The following RNF112 variants were observed in gnomAD, a reference collection of about 807,000 sequenced individuals.
RNF112 encodes the protein brain finger protein.
RNF112 carries 34 observed loss-of-function variants against 64.7 expected under a neutral mutation model. That is an observed-to-expected ratio of 0.53 (90% confidence interval 0.40 to 0.70). The LOEUF is 0.70. Among genes scored for constraint, RNF112 ranks in the 30% least tolerant of loss-of-function variants. The pLI, the probability that RNF112 is intolerant of heterozygous loss-of-function variation, is 0.00. For synonymous variants in RNF112, 345 were observed against 344.5 expected, an observed-to-expected ratio of 1.00 and a Z score of -0.02; for missense variants, 734 against 850.0, an observed-to-expected ratio of 0.86 and a Z score of 1.70.
At position 19,414,714 on chromosome 17, in the gene RNF112, G is replaced by A. The variant is rs563031812; in HGVS notation, c.1008+54G>A. 372 of 1,610,738 alleles carry A rather than the reference G, an allele frequency of 2.3e-4. 6 individuals carry two copies. The South Asian group carries it at 3.9e-3, about 17-fold the overall frequency. On this transcript the variant is annotated intron_variant, in intron 9 of 13. Coordinates refer to ENST00000461366, the MANE Select transcript of RNF112 (RefSeq NM_007148.5). ...GGGCCATGGACAGGGCAGAGGTGGG[G>A]AAGACATGGGAGGCTGGACCTCCTA... is the stretch of plus-strand genomic sequence containing the variant.
At position 19,412,499 on chromosome 17, in the gene RNF112, T is replaced by C. The variant is rs762250498; in HGVS notation, c.97T>C (p.Ser33Pro). Residue 33 changes from serine to proline, a missense_variant and splice_region_variant, in exon 3 of 14, where the codon TCC becomes CCC. Coordinates refer to ENST00000461366, the MANE Select transcript of RNF112 (RefSeq NM_007148.5). This position sits in a 1 kb window ranked among gnomAD's most constrained non-coding sequence, Gnocchi z 5.1. ...SFMGNSGNSWSHTPFPKLELG... is the reference protein window; with the variant it reads ...SFMGNSGNSWPHTPFPKLELG... ...TCAATGGCCTGTTTTGCCCCACAGG[T>C]CCCATACACCTTTCCCCAAGTTGGA... is the stretch of plus-strand genomic sequence containing the variant. 1 of 1,610,986 alleles carries C rather than the reference T, an allele frequency of 6.2e-7. No individual in the cohort carries two copies. Among genetic ancestry groups the C allele is most frequent in the Non-Finnish European group, 8.5e-7 (1 of 1,179,094 alleles).
rs771130689 is a variant in RNF112 at position 19,415,075 on chromosome 17, C to T, written c.1164C>T (p.Tyr388=). 6.9e-6 allele frequency: 11 copies of T among 1,593,666 alleles called. No individual in the cohort carries two copies. Among genetic ancestry groups the T allele is most frequent in the East Asian group, 2.2e-5 (1 of 44,572 alleles). ...DDDFRHLLGA[Y]VSDVLSAAPQ... ...ACTTCCGCCACCTTCTGGGGGCCTA[C>T]GTCTCAGATGTGCTGAGTGCGGCCC... Residue 388 remains tyrosine (Y), a synonymous_variant, in exon 11 of 14, where the codon TAC becomes TAT. Transcript: ENST00000461366. The surrounding 1 kb of genome is among the most constrained non-coding windows in gnomAD (Gnocchi z 7.8).
Position 19,413,230 on chromosome 17 carries a change from G to A in RNF112, c.589-50G>A, listed in dbSNP as rs1256140733. ...GAAGCTGGGTCTGGTATTCCGGTCT[G>A]TGGGGACAAGGAACCGACCAACTGA... On this transcript the variant is annotated intron_variant, in intron 4 of 13. Transcript: ENST00000461366. The surrounding 1 kb of genome is among the most constrained non-coding windows in gnomAD (Gnocchi z 5.9). 4 of 1,596,562 alleles carry A rather than the reference G, an allele frequency of 2.5e-6. No individual in the cohort carries two copies. The East Asian group carries it at 9.0e-5, about 36-fold the overall frequency.
In RNF112 at chr17:19,415,126, G is replaced by C; in HGVS notation, c.1215G>C (p.Gln405His). ...AAPQHAKSRCQGYWNEGRAVA... is the reference protein window; with the variant it reads ...AAPQHAKSRCHGYWNEGRAVA... ...CCCAGCACGCTAAGAGCCGCTGCCAGGGGTACTGGAACGAGGGGCGCGCCG... is the reference window on the plus strand; with the variant it reads ...CCCAGCACGCTAAGAGCCGCTGCCACGGGTACTGGAACGAGGGGCGCGCCG... Residue 405 changes from glutamine to histidine, a missense_variant, in exon 11 of 14, where the codon CAG (glutamine) becomes CAC (histidine). Physicochemically the swap from Gln to His is conservative, Grantham distance 24. Coordinates refer to ENST00000461366, the MANE Select transcript of RNF112 (RefSeq NM_007148.5). The surrounding 1 kb of genome is among the most constrained non-coding windows in gnomAD (Gnocchi z 7.8). The C allele has an allele frequency of 3.1e-6, 5 of 1,609,054 alleles. No individual in the cohort carries two copies. Among genetic ancestry groups the C allele is most frequent in the Non-Finnish European group, 4.2e-6 (5 of 1,178,838 alleles).
At position 19,414,756 on chromosome 17, in the gene RNF112, T is replaced by C. The variant is rs1294288086; in HGVS notation, c.1009-14T>C. On this transcript the variant is annotated splice_polypyrimidine_tract_variant and intron_variant, in intron 9 of 13. Transcript: ENST00000461366. ...GACCTCCTAGCTCAGAGCACTCCTC[T>C]CGCTGCCTCACAGAGATTGTCTGGC... The C allele has an allele frequency of 1.9e-6, 3 of 1,612,946 alleles. No individual in the cohort carries two copies. The highest frequency in any genetic ancestry group is 2.5e-6 in the Non-Finnish European group (3 of 1,179,684).
chr17:19,411,370 C>A lies in RNF112; in HGVS notation c.-39C>A. On this transcript the variant is annotated 5_prime_UTR_variant, in exon 1 of 14. Transcript: ENST00000461366. ...CTCTGGTTGAAGGTCTCGGGGCCTC[C>A]CCCTCTGCATCCGGACCCTCTCCCC... The A allele has an allele frequency of 6.3e-7, 1 of 1,598,914 alleles. No homozygotes were observed. The highest frequency in any genetic ancestry group is 8.5e-7 in the Non-Finnish European group (1 of 1,173,806).
Position 19,412,735 on chromosome 17 carries a change from C to T in RNF112, c.333C>T (p.Gly111=), listed in dbSNP as rs1358271820. ...CKQKRGLRSL[G]EKMKLLPQRP... ...AGAAGAGGGGCCTCCGGAGCCTGGGCGAGAAGATGAAGCTCCTGCCGCAGC... is the reference window on the plus strand; with the variant it reads ...AGAAGAGGGGCCTCCGGAGCCTGGGTGAGAAGATGAAGCTCCTGCCGCAGC... The change falls in exon 3 of 14, where the codon GGC becomes GGT. Residue 111 remains glycine, a synonymous_variant. Coordinates refer to ENST00000461366, the MANE Select transcript of RNF112 (RefSeq NM_007148.5). This position sits in a 1 kb window ranked among gnomAD's most constrained non-coding sequence, Gnocchi z 5.1. 6.2e-7 allele frequency: 1 copy of T among 1,612,974 alleles called. No individual in the cohort carries two copies. The highest frequency in any genetic ancestry group is 2.2e-5 in the East Asian group (1 of 44,802).
rs1013088314 is a variant in RNF112 at position 19,415,425 on chromosome 17, G to T, written c.1350+86G>T. On this transcript the variant is annotated intron_variant, in intron 12 of 13. Coordinates refer to ENST00000461366, the MANE Select transcript of RNF112 (RefSeq NM_007148.5). This position sits in a 1 kb window ranked among gnomAD's most constrained non-coding sequence, Gnocchi z 7.8. ...GCTGTGCCGAGGCCTCCGGGGTGGG[G>T]GTCTGTGTGCCCTGGGAGTGGAGAT... 1 of 1,544,400 alleles carries T rather than the reference G, an allele frequency of 6.5e-7. No individual in the cohort carries two copies. The highest frequency in any genetic ancestry group is 1.4e-5 in the African/African-American group (1 of 73,400).
In RNF112 at chr17:19,413,321, C is replaced by T; in HGVS notation, c.630C>T (p.Ser210=). The change falls in exon 5 of 14, where the codon TCC becomes TCT. Residue 210 remains serine (S), a synonymous_variant. Coordinates refer to ENST00000461366, the MANE Select transcript of RNF112 (RefSeq NM_007148.5). The surrounding 1 kb of genome is among the most constrained non-coding windows in gnomAD (Gnocchi z 5.9). The part of the protein sequence containing the change: ...EGGRPRGGEA[S]LQGCRWGANG... ...GCCGGCCAAGAGGAGGAGAGGCATCCCTGCAGGGCTGCAGGTGGGGCGCCA... is the reference window on the plus strand; with the variant it reads ...GCCGGCCAAGAGGAGGAGAGGCATCTCTGCAGGGCTGCAGGTGGGGCGCCA... The T allele has an allele frequency of 6.2e-7, 1 of 1,612,858 alleles. No homozygotes were observed. The highest frequency in any genetic ancestry group is 8.5e-7 in the Non-Finnish European group (1 of 1,179,266).
Position 19,411,448 on chromosome 17 carries a change from C to T in RNF112, c.40C>T (p.Arg14Trp), listed in dbSNP as rs754089627. Residue 14 changes from arginine to tryptophan, a missense_variant, in exon 1 of 14, where the codon CGG becomes TGG. By Grantham distance (101) the Arg-to-Trp change is moderately radical. Coordinates refer to ENST00000461366, the MANE Select transcript of RNF112 (RefSeq NM_007148.5). ...PALSVTSFCH[R>W]LGKRERKQSF... ...CTTGTCAGTCACTTCCTTTTGTCAT[C>T]GGCTTGGCAAACGGGCAAGTCTTCA... The T allele has an allele frequency of 3.0e-5, 42 of 1,422,622 alleles. No individual in the cohort carries two copies. The highest frequency in any genetic ancestry group is 3.6e-5 in the East Asian group (1 of 27,814). The allele number at this position is 1,422,622 out of a possible 1,614,324, so 88.1% of individuals were successfully genotyped here.
intron 2 of RNF112, 42 bp downstream of exon 2, chr17:19,411,712 G>A (rs745954638): frequency 3.2e-6 from 5 of 1,556,838 alleles, no homozygotes; most frequent in Non-Finnish European, 1.7e-6. Flanking sequence ...GTGCAGTGAG[G>A]CCAGGCAGGT....
At position 19,412,623 on chromosome 17, in the gene RNF112, A is replaced by C; in HGVS notation, c.221A>C (p.His74Pro). Residue 74 changes from histidine (H) to proline (P), a missense_variant, in exon 3 of 14, where the codon CAC becomes CCC. His to Pro is a moderately conservative substitution (Grantham distance 77). Coordinates refer to ENST00000461366, the MANE Select transcript of RNF112 (RefSeq NM_007148.5). The surrounding 1 kb of genome is among the most constrained non-coding windows in gnomAD (Gnocchi z 5.1). Reference sequence around the variant, plus strand: ...GACCCCATCTCGCTGGACTGTGGCCACGACTTCTGCATACGGTGCTTCAGC... The same window carrying C: ...GACCCCATCTCGCTGGACTGTGGCCCCGACTTCTGCATACGGTGCTTCAGC... ...LRDPISLDCG[H>P]DFCIRCFSTH... 1 of 1,613,472 alleles carries C rather than the reference A, an allele frequency of 6.2e-7. No homozygotes were observed. Among genetic ancestry groups the C allele is most frequent in the Non-Finnish European group, 8.5e-7 (1 of 1,179,766 alleles).
chr17:19,411,603 TC>T (rs1665460606), intron 1 of RNF112, 26 bp from the exon 2 acceptor site: 1 of 1,429,866 alleles, frequency 7.0e-7, no homozygotes, highest in Non-Finnish European at 9.4e-7. Flanking sequence ...ATGTTCTAAA[TC>T]TTTTTTTTTT....
Position 19,416,369 on chromosome 17 carries a change from G to A in RNF112, c.*194G>A. The A allele has an allele frequency of 1.7e-6, 1 of 577,740 alleles. No homozygotes were observed. The highest frequency in any genetic ancestry group is 2.3e-5 in the South Asian group (1 of 44,362). The allele number at this position is 577,740 out of a possible 1,614,324, so 35.8% of individuals were successfully genotyped here. A position where few individuals can be genotyped will look rare whatever the true frequency, so the allele number is the denominator to read the frequency against. On this transcript the variant is annotated 3_prime_UTR_variant, in exon 14 of 14. Coordinates refer to ENST00000461366, the MANE Select transcript of RNF112 (RefSeq NM_007148.5). ...CTTGGAACCTGGGAGGCAGCATCTG[G>A]GGGCAGTGGATAGAACACCCGGCCT...
Position 19,412,787 on chromosome 17 carries a change from TG to T in RNF112, c.381+8del. 1 of 1,608,310 alleles carries T rather than the reference TG, an allele frequency of 6.2e-7. No individual in the cohort carries two copies. Among genetic ancestry groups the T allele is most frequent in the Non-Finnish European group, 8.5e-7 (1 of 1,178,588 alleles). On this transcript the variant is annotated splice_donor_5th_base_variant and intron_variant, in intron 3 of 13. Coordinates refer to ENST00000461366, the MANE Select transcript of RNF112 (RefSeq NM_007148.5). The surrounding 1 kb of genome is among the most constrained non-coding windows in gnomAD (Gnocchi z 5.1). ...GCCGCTGCCCCCTGCACTGCAGGTC[TG>T]GGGACTGGGCCTAATCAGTCAGACC...
chr17:19,411,445 CATCG>C lies in RNF112; in HGVS notation c.38_41del (p.His13ArgfsTer29). On this transcript the variant is annotated frameshift_variant, in exon 1 of 14. Coordinates refer to ENST00000461366, the MANE Select transcript of RNF112 (RefSeq NM_007148.5). LOFTEE classifies it high-confidence loss of function. ...CGCCTTGTCAGTCACTTCCTTTTGT[CATCG>C]GCTTGGCAAACGGGCAAGTCTTCAG... The C allele has an allele frequency of 6.2e-7, 1 of 1,610,796 alleles. No homozygotes were observed.
In RNF112 at chr17:19,413,983, C is replaced by T; in HGVS notation, c.826-112C>T. On this transcript the variant is annotated intron_variant, in intron 6 of 13. Coordinates refer to ENST00000461366, the MANE Select transcript of RNF112 (RefSeq NM_007148.5). This position sits in a 1 kb window ranked among gnomAD's most constrained non-coding sequence, Gnocchi z 5.9. ...TCGAGGCCCCCATACTGGCCTCTCCCATACTCTGAGGCCCACAGGCTGCCT... is the reference window on the plus strand; with the variant it reads ...TCGAGGCCCCCATACTGGCCTCTCCTATACTCTGAGGCCCACAGGCTGCCT... 2.3e-6 allele frequency: 2 copies of T among 888,748 alleles called. No individual in the cohort carries two copies. The highest frequency in any genetic ancestry group is 3.6e-6 in the Non-Finnish European group (2 of 560,094). 55.1% of individuals were successfully genotyped at this position (888,748 alleles called of 1,614,324 possible). A position where few individuals can be genotyped will look rare whatever the true frequency, so the allele number is the denominator to read the frequency against.
In RNF112 at chr17:19,412,144, T is replaced by G. The variant is rs913521182; in HGVS notation, c.96-354T>G. Among the ~76,000 whole-genome samples the G allele has an allele frequency of 3.3e-5, 5 of 152,170 alleles. No individual in the cohort carries two copies. The highest frequency in any genetic ancestry group is 7.4e-5 in the Non-Finnish European group (5 of 68,014). On this transcript the variant is annotated intron_variant, in intron 2 of 13. Coordinates refer to ENST00000461366, the MANE Select transcript of RNF112 (RefSeq NM_007148.5). The surrounding 1 kb of genome is among the most constrained non-coding windows in gnomAD (Gnocchi z 5.1). Reference sequence around the variant, plus strand: ...ATGAGGGGTATTGCTATCCTCTCCATTGGGACAGTTAGGAAATTGAGGCCC... The same window carrying G: ...ATGAGGGGTATTGCTATCCTCTCCAGTGGGACAGTTAGGAAATTGAGGCCC...
At position 19,415,783 on chromosome 17, in the gene RNF112, G is replaced by A. The variant is rs1913867370; in HGVS notation, c.1504G>A (p.Asp502Asn). The change falls in exon 14 of 14, where the codon GAT becomes AAT. Residue 502 changes from aspartate to asparagine, a missense_variant. Physicochemically the swap from Asp to Asn is conservative, Grantham distance 23 (BLOSUM62 1). Coordinates refer to ENST00000461366, the MANE Select transcript of RNF112 (RefSeq NM_007148.5). This position sits in a 1 kb window ranked among gnomAD's most constrained non-coding sequence, Gnocchi z 7.8. Reference protein sequence around the residue: ...TMRNLLSTQKDAILARHGVAL... With the variant: ...TMRNLLSTQKNAILARHGVAL... ...GCGGAACCTCCTCTCCACCCAGAAA[G>A]ATGCCATTCTGGCCCGCCATGGTGT... 6.2e-7 allele frequency: 1 copy of A among 1,613,690 alleles called. No individual in the cohort carries two copies. Among genetic ancestry groups the A allele is most frequent in the Non-Finnish European group, 8.5e-7 (1 of 1,179,888 alleles).
Sources: allele counts gnomAD v4.1 joint callset (sites outside exome capture counted in the v4.1 genomes callset), GRCh38; gene constraint gnomAD v4.1.1; non-coding constraint Gnocchi (gnomAD v3.1); transcripts MANE v1.5; gene names NCBI Gene and HGNC (gene_info 2026-07-23, HGNC 2026-07-21).